Variants in REV1 observed in about 807,000 individuals in gnomAD.
REV1 encodes the protein REV1 DNA directed polymerase.
Under a neutral mutation model 137.4 loss-of-function variants are expected in REV1, and 42 were observed. The observed-to-expected ratio is 0.31, with a 90% confidence interval of 0.24 to 0.40. The LOEUF (loss-of-function observed/expected upper bound fraction) is 0.40. REV1 is among the 10% of genes least tolerant of loss of function. REV1 has a pLI of 1.00. For synonymous variants in REV1, 524 were observed against 519.2 expected, an observed-to-expected ratio of 1.01 and a Z score of -0.12; for missense variants, 1,282 against 1,490.1, an observed-to-expected ratio of 0.86 and a Z score of 2.30.
At chr2:99,428,976 A>G (rs1171063591) in intron 9 of REV1, among the ~76,000 whole-genome samples, 3 of 144,512 alleles carry the variant, frequency 2.1e-5, no homozygotes, top group African/African-American at 7.7e-5. Context: ...TGGGTGACAG[A>G]GCGAGACTCC....
At chr2:99,454,660 C>G (rs193027923) in intron 3 of REV1, among the ~76,000 whole-genome samples, 1 of 150,646 alleles carries the variant, frequency 6.6e-6, no homozygotes, top group Non-Finnish European at 1.5e-5. Flanking sequence ...CAGGAAGATC[C>G]GTTGAGCTCA....
chr2:99,425,908 T>C (rs1039221826), intron 9 of REV1, among the ~76,000 whole-genome samples: 6 of 152,050 alleles, frequency 3.9e-5, no homozygotes, highest in African/African-American at 1.4e-4. Flanking sequence ...TGGTGGCGCA[T>C]GCCTGTAATC....
intron 4 of REV1, among the ~76,000 whole-genome samples, chr2:99,446,637 G>A (rs895323050): frequency 4.6e-5 from 7 of 151,956 alleles, no homozygotes; most frequent in African/African-American, 9.7e-5. Flanking sequence ...TGGGATTACA[G>A]GCACCCAACA....
chr2:99,477,597 T>G (rs1318559240), intron 1 of REV1, among the ~76,000 whole-genome samples: 1 of 152,212 alleles, frequency 6.6e-6, no homozygotes, highest in Non-Finnish European at 1.5e-5. Context: ...ATGATTTTGA[T>G]TCAATATCTA....
intron 12 of REV1, among the ~76,000 whole-genome samples, chr2:99,416,384 G>A (rs1373255032): frequency 6.6e-6 from 1 of 152,146 alleles, no homozygotes; most frequent in African/African-American, 2.4e-5. Context: ...TATAATCTGT[G>A]GAACACACTT....
intron 1 of REV1, among the ~76,000 whole-genome samples, chr2:99,483,384 T>G (rs1441831764): frequency 1.3e-5 from 2 of 152,334 alleles, no homozygotes; most frequent in Non-Finnish European, 1.5e-5. Context: ...CATTTTAGCC[T>G]TGGGTATGAT....
rs778268161 is a variant in REV1, at chr2:99,403,057, TTTC to T, written c.3213_3215del (p.Lys1072del). On this transcript the variant is annotated inframe_deletion, in exon 20 of 23. Transcript: ENST00000258428. Reference sequence around the variant, plus strand: ...CAATGGTTTTTTTCTTCTTGTTTCTTTTCTTTTCTTTCACTGCTGCCTTTAGAT... The same window carrying T: ...CAATGGTTTTTTTCTTCTTGTTTCTTTTTTCTTTCACTGCTGCCTTTAGAT... 3 of 1,613,486 alleles carry T rather than the reference TTTC, an allele frequency of 1.9e-6. No individual in the cohort carries two copies. Among genetic ancestry groups the T allele is most frequent in the African/African-American group, 2.7e-5 (2 of 74,842 alleles).
chr2:99,405,980 T>TGG lies in REV1; in HGVS notation c.2740_2741insCC (p.Asn914ThrfsTer16). On this transcript the variant is annotated frameshift_variant, in exon 17 of 23. Coordinates refer to ENST00000258428, the MANE Select transcript of REV1 (RefSeq NM_016316.4). LOFTEE classifies it high-confidence loss of function. ...CACACTGACAGGAGTATGTAGACCATTCCATTTCCCTGAAGACTCAGCCTT... is the reference window on the plus strand; with the variant it reads ...CACACTGACAGGAGTATGTAGACCATGGTCCATTTCCCTGAAGACTCAGCCTT... 6.2e-7 allele frequency: 1 copy of TGG among 1,614,038 alleles called. No individual in the cohort carries two copies. The highest frequency in any genetic ancestry group is 8.5e-7 in the Non-Finnish European group (1 of 1,179,950).
At chr2:99,401,512 C>T (rs1244547307) in intron 22 of REV1, among the ~76,000 whole-genome samples, 160 bp from the exon 23 acceptor site, 6 of 150,722 alleles carry the variant, frequency 4.0e-5, no homozygotes, top group Non-Finnish European at 8.8e-5. Context: ...TTTGGGAGGC[C>T]GAGGAGGGCG....
At chr2:99,452,608 A>G (rs1289064935) in intron 3 of REV1, among the ~76,000 whole-genome samples, 1 of 152,070 alleles carries the variant, frequency 6.6e-6, no homozygotes, top group East Asian at 1.9e-4. Context: ...TTACTTGTTT[A>G]CTGTCAGATT....
chr2:99,476,121 C>G (rs1685944263), intron 1 of REV1, among the ~76,000 whole-genome samples: 2 of 152,220 alleles, frequency 1.3e-5, no homozygotes, highest in South Asian at 4.1e-4. Context: ...CAAGATGTAC[C>G]TATCCACAGA....
intron 12 of REV1, among the ~76,000 whole-genome samples, chr2:99,415,001 T>C (rs1677656518): frequency 6.6e-6 from 1 of 152,184 alleles, no homozygotes; most frequent in Non-Finnish European, 1.5e-5. Flanking sequence ...TGGACATCCC[T>C]CTATGAAAGA....
At chr2:99,457,465 T>C (rs766724125) in intron 3 of REV1, among the ~76,000 whole-genome samples, 15 of 152,164 alleles carry the variant, frequency 9.9e-5, no homozygotes, top group Admixed American at 1.3e-4. Context: ...GCAAATCACC[T>C]GAGGTCAGGA....
At chr2:99,416,233 A>G (rs1449268599) in intron 12 of REV1, among the ~76,000 whole-genome samples, 5 of 152,230 alleles carry the variant, frequency 3.3e-5, no homozygotes, top group Admixed American at 1.3e-4. Context: ...TTATCACCAA[A>G]TATCTTTGAG....
At chr2:99,414,561 T>G (rs1011680868) in intron 12 of REV1, among the ~76,000 whole-genome samples, 4 of 152,352 alleles carry the variant, frequency 2.6e-5, no homozygotes, top group African/African-American at 7.2e-5. Context: ...CACAAGGGAA[T>G]AGACAAATTA....
chr2:99,479,344 AC>A (rs377032695), intron 1 of REV1, among the ~76,000 whole-genome samples: 86 of 144,904 alleles, frequency 5.9e-4, no homozygotes, highest in Non-Finnish European at 8.4e-4. Flanking sequence ...AAAAAAAAAA[AC>A]AAAAAGATTA....
rs28745275 is a variant in REV1 at position 99,472,160 on chromosome 2, T to C, written c.-10-7175A>G. 4.6e-3 allele frequency among the ~76,000 whole-genome samples: 703 copies of C among 152,300 alleles called. 6 individuals are homozygous for C. Among genetic ancestry groups the C allele is most frequent in the African/African-American group, 0.016 (664 of 41,568 alleles). On this transcript the variant is annotated intron_variant, in intron 1 of 22. Transcript: ENST00000258428. ...CCAAAAGGTGGAAGCAACCCAAGTG[T>C]CCATCCACAGATGAATGGGTAAACA...
intron 1 of REV1, among the ~76,000 whole-genome samples, chr2:99,485,448 C>T (rs1363357655): frequency 6.6e-6 from 1 of 152,158 alleles, no homozygotes; most frequent in Non-Finnish European, 1.5e-5. Flanking sequence ...AAACTGAACA[C>T]AACTAAAGAT....
Position 99,400,930 on chromosome 2 carries a change from A to G in REV1, c.*311T>C, listed in dbSNP as rs1296494461. The G allele has an allele frequency of 6.0e-6, 1 of 166,404 alleles. No individual in the cohort carries two copies. Among genetic ancestry groups the G allele is most frequent in the Non-Finnish European group, 1.3e-5 (1 of 77,236 alleles). The allele number at this position is 166,404 out of a possible 1,614,324, so 10.3% of individuals were successfully genotyped here. A position where few individuals can be genotyped will look rare whatever the true frequency, so the allele number is the denominator to read the frequency against. ...GAGTTGAGTTTTTAAGGATTCACAA[A>G]AAGGAGCCTGTACAAAATATACATA... On this transcript the variant is annotated 3_prime_UTR_variant, in exon 23 of 23. Coordinates refer to ENST00000258428, the MANE Select transcript of REV1 (RefSeq NM_016316.4).
Sources: gnomAD v4.1 joint callset for allele counts (sites outside exome capture counted in the v4.1 genomes callset) on GRCh38, gnomAD v4.1.1 for gene constraint, MANE v1.5 for transcripts, NCBI Gene and HGNC (gene_info 2026-07-23, HGNC 2026-07-21) for gene names.